Variants in RPS20 observed in about 807,000 individuals in gnomAD.
RPS20 encodes the protein ribosomal protein S20.
Under a neutral mutation model 15.3 loss-of-function variants are expected in RPS20, and 3 were observed. That is an observed-to-expected ratio of 0.20 (90% CI 0.09 to 0.51). The LOEUF is 0.51. Among genes scored for constraint, RPS20 ranks in the 20% least tolerant of loss-of-function variants. The pLI, the probability that RPS20 is intolerant of heterozygous loss-of-function variation, is 0.96. For synonymous variants in RPS20, 62 were observed against 47.8 expected (o/e 1.30, Z -1.23); for missense variants, 67 against 145.9 (o/e 0.46, Z 2.79).
chr8:56,071,788 A>G, downstream of RPS20, among the ~76,000 whole-genome samples: 1 of 152,234 alleles, frequency 6.6e-6, no homozygotes, highest in East Asian at 1.9e-4. Flanking sequence ...GCCCAAATCC[A>G]AAAAGAAAAA....
chr8:56,068,363 C>A (rs1380061592), downstream of RPS20: 5 of 151,962 alleles, frequency 3.3e-5, no homozygotes, highest in Non-Finnish European at 7.4e-5. Flanking sequence ...AATGGCATAA[C>A]CCCATCTCTA....
chr8:56,072,987 G>C, downstream of RPS20: 1 of 1,478,760 alleles, frequency 6.8e-7, no homozygotes, highest in Non-Finnish European at 8.9e-7. Flanking sequence ...CCTGAAAAGT[G>C]GAAGTCTCAT....
chr8:56,072,554 C>G (rs943705155), downstream of RPS20, among the ~76,000 whole-genome samples: 12 of 147,748 alleles, frequency 8.1e-5, no homozygotes, highest in Admixed American at 2.7e-4. Flanking sequence ...GCCGTCCCCC[C>G]CCCCAAAAAA....
chr8:56,070,444 A>C (rs535676088), downstream of RPS20, among the ~76,000 whole-genome samples: 3 of 152,262 alleles, frequency 2.0e-5, no homozygotes, highest in East Asian at 5.8e-4. Flanking sequence ...ATGTGAAGAA[A>C]TCTAATCCAG....
downstream of RPS20, among the ~76,000 whole-genome samples, chr8:56,070,708 G>T (rs989200527): frequency 2.0e-5 from 3 of 147,494 alleles, no homozygotes; most frequent in African/African-American, 5.0e-5. Context: ...CAACCTGGGT[G>T]ACACAGCGAG....
rs778397691 is a variant in RPS20 at position 56,074,097 on chromosome 8, G to T, written c.66C>A (p.Ile22=). The change falls in exon 2 of 4, where the codon ATC becomes ATA. Residue 22 remains isoleucine, a synonymous_variant. Transcript: ENST00000009589. ...ATTTTACGTTGCGGCTTGTTAGGGT[G>T]ATTCGAATTCGGTGAATTGCCACCT... ...EPEVAIHRIR[I]TLTSRNVKSL... is the part of the protein sequence containing the mutation. 6.2e-7 allele frequency: 1 copy of T among 1,613,804 alleles called. No individual in the cohort carries two copies.
downstream of RPS20, among the ~76,000 whole-genome samples, chr8:56,070,528 G>A (rs1809722728): frequency 6.6e-6 from 1 of 152,008 alleles, no homozygotes; most frequent in African/African-American, 2.4e-5. Flanking sequence ...CTGAGCATAG[G>A]AGTTTGAGAC....
chr8:56,071,038 G>C (rs1468213566), downstream of RPS20, among the ~76,000 whole-genome samples: 1 of 152,166 alleles, frequency 6.6e-6, no homozygotes, highest in African/African-American at 2.4e-5. Flanking sequence ...TTGAGAAATT[G>C]AAGATAACAG....
In RPS20 at chr8:56,073,719, T is replaced by C; in HGVS notation, c.153A>G (p.Lys51=). ...RGAKEKNLKV[K]GPVRMPTKTL... ...CCTTGGTAGGCATTCGAACTGGTCC[T>C]TTCACTTTGAGATTCTTTTCTTTTG... is the stretch of plus-strand genomic sequence containing the variant. Residue 51 remains lysine (K), a synonymous_variant, in exon 3 of 4, where the codon AAA becomes AAG. Coordinates refer to ENST00000009589, the MANE Select transcript of RPS20 (RefSeq NM_001023.4). 6.2e-7 allele frequency: 1 copy of C among 1,614,094 alleles called. No homozygotes were observed. Among genetic ancestry groups the C allele is most frequent in the South Asian group, 1.1e-5 (1 of 91,082 alleles).
At position 56,074,491 on chromosome 8, in the gene RPS20, C is replaced by T. The variant is rs1215425045; in HGVS notation, c.-108G>A. 3.2e-6 allele frequency: 4 copies of T among 1,252,230 alleles called. No homozygotes were observed. The African/African-American group carries it at 4.5e-5, about 14-fold the overall frequency. The allele number at this position is 1,252,230 out of a possible 1,614,324, so 77.6% of individuals were successfully genotyped here. A position where few individuals can be genotyped will look rare whatever the true frequency, so the allele number is the denominator to read the frequency against. On this transcript the variant is annotated 5_prime_UTR_variant, in exon 1 of 4. Coordinates refer to ENST00000009589, the MANE Select transcript of RPS20 (RefSeq NM_001023.4). Reference sequence around the variant, plus strand: ...CAAAAATCCTCAGCCCTTACGACCGCGTCTTCCTCAAAAAGAAAGGGGTGG... The same window carrying T: ...CAAAAATCCTCAGCCCTTACGACCGTGTCTTCCTCAAAAAGAAAGGGGTGG...
chr8:56,070,287 CAA>C (rs989378547), downstream of RPS20, among the ~76,000 whole-genome samples: 2 of 152,146 alleles, frequency 1.3e-5, no homozygotes. Flanking sequence ...AACTGAGGCT[CAA>C]AGTCAAGTAA....
At chr8:56,069,869 C>A, downstream of RPS20, 1 of 978,752 alleles carries the variant, frequency 1.0e-6, no homozygotes, top group Non-Finnish European at 1.6e-6. Flanking sequence ...AAAATTGTCT[C>A]TACTGCACAT....
rs917720796 is a variant in RPS20, at chr8:56,074,405, T to C, written c.-22A>G. On this transcript the variant is annotated 5_prime_UTR_variant, in exon 1 of 4. Coordinates refer to ENST00000009589, the MANE Select transcript of RPS20 (RefSeq NM_001023.4). ...CCATGGCTGTTGCGCGCGGGCTTCC[T>C]GACCGACTTGTTCCTCGGCGAGAGC... 2 of 1,556,602 alleles carry C rather than the reference T, an allele frequency of 1.3e-6. No homozygotes were observed. The highest frequency in any genetic ancestry group is 1.7e-6 in the Non-Finnish European group (2 of 1,157,080).
At position 56,074,392 on chromosome 8, in the gene RPS20, C is replaced by T. The variant is rs367916083; in HGVS notation, c.-9G>A. The T allele has an allele frequency of 8.3e-6, 13 of 1,559,438 alleles. No individual in the cohort carries two copies. The African/African-American group carries it at 1.1e-4, about 13-fold the overall frequency. On this transcript the variant is annotated 5_prime_UTR_variant, in exon 1 of 4. Transcript: ENST00000009589. The stretch of plus-strand genomic sequence containing the variant: ...GACTGCCGCCTCACCATGGCTGTTG[C>T]GCGCGGGCTTCCTGACCGACTTGTT...
chr8:56,068,803 ATATCTTTTTT>A (rs1585718029), downstream of RPS20, among the ~76,000 whole-genome samples: 1 of 92,604 alleles, frequency 1.1e-5, no homozygotes, highest in African/African-American at 4.1e-5. Flanking sequence ...CTTGGTGAAA[ATATCTTTTTT>A]TTTTTTTTTT....
At chr8:56,069,141 G>A (rs545716656), downstream of RPS20, among the ~76,000 whole-genome samples, 1 of 151,966 alleles carries the variant, frequency 6.6e-6, no homozygotes, top group South Asian at 2.1e-4. Context: ...AGGTATAGAA[G>A]GATCTGGTTC....
downstream of RPS20, chr8:56,067,266 C>G (rs1004031694): frequency 6.6e-6 from 1 of 152,154 alleles, no homozygotes; most frequent in Non-Finnish European, 1.5e-5. Flanking sequence ...TTTGCATACT[C>G]ATGTTTATTA....
At position 56,074,252 on chromosome 8, in the gene RPS20, A is replaced by C. The variant is rs762531844; in HGVS notation, c.4-93T>G. 1.3e-5 allele frequency: 20 copies of C among 1,526,256 alleles called. No homozygotes were observed. The African/African-American group carries it at 2.5e-4, about 19-fold the overall frequency. The allele number at this position is 1,526,256 out of a possible 1,614,324, so 94.5% of individuals were successfully genotyped here. On this transcript the variant is annotated intron_variant, in intron 1 of 3. Transcript: ENST00000009589. ...TTCCGGAAGCTTCCCGCGTTTCCCC[A>C]CCATTTCAGGAGCGCCTTTCCGCCC...
chr8:56,070,374 G>C (rs190584875), downstream of RPS20, among the ~76,000 whole-genome samples: 1 of 152,284 alleles, frequency 6.6e-6, no homozygotes, highest in East Asian at 1.9e-4. Context: ...TTCTACTTCT[G>C]TACTCTTGCC....
Sources: gnomAD v4.1 joint callset for allele counts (sites outside exome capture counted in the v4.1 genomes callset) on GRCh38, gnomAD v4.1.1 for gene constraint, MANE v1.5 for transcripts, NCBI Gene and HGNC (gene_info 2026-07-23, HGNC 2026-07-21) for gene names.